GLYCTK: variants seen among roughly 807,000 people sequenced by gnomAD.
GLYCTK encodes the protein HBeAg binding protein 4.
A neutral mutation model predicts 24.8 loss-of-function variants in GLYCTK; 22 were observed. The ratio of observed to expected loss-of-function variants is 0.89; its 90% CI spans 0.63 to 1.27. The LOEUF is 1.27. GLYCTK is among the 50% of genes most tolerant of loss of function. The pLI is 0.00. For missense variants in GLYCTK, 684 were observed against 686.7 expected (o/e 1.00, Z 0.04); for synonymous variants, 320 against 297.2 (o/e 1.08, Z -0.79).
chr3:52,290,113 C>T, intron 1 of GLYCTK, 191 bp from the exon 2 acceptor site: 1 of 582,366 alleles, frequency 1.7e-6, no homozygotes. Context: ...GGCTGGGTGG[C>T]AGGGCTGGTC....
At position 52,292,752 on chromosome 3, in the gene GLYCTK, G is replaced by A. The variant is rs1162085369; in HGVS notation, c.1198G>A (p.Gly400Ser). ...EALETMAWGR[G>S]PVCLLAGGEP... ...TCTGGAGACCATGGCATGGGGAAGG[G>A]GCCCAGTCTGCCTGCTGGCTGGTGG... The change falls in exon 5 of 5, where the codon GGC becomes AGC. Residue 400 changes from glycine to serine, a missense_variant. Gly to Ser is a moderately conservative substitution (Grantham distance 56, BLOSUM62 0). Transcript: ENST00000436784. The A allele has an allele frequency of 6.2e-7, 1 of 1,608,098 alleles. No homozygotes were observed. The highest frequency in any genetic ancestry group is 1.7e-5 in the Admixed American group (1 of 59,824).
intron 1 of GLYCTK, among the ~76,000 whole-genome samples, chr3:52,289,750 C>T (rs774747873): frequency 2.8e-4 from 42 of 152,218 alleles, no homozygotes; most frequent in Admixed American, 8.5e-4. Flanking sequence ...CCTATAGACC[C>T]TGACTTCCCA....
intron 2 of GLYCTK, 37 bp from the exon 3 acceptor site, chr3:52,290,923 C>T: frequency 6.2e-7 from 1 of 1,613,200 alleles, no homozygotes; most frequent in Non-Finnish European, 8.5e-7. Flanking sequence ...GAGAGGAGTC[C>T]ACCCCATCTC....
At position 52,292,256 on chromosome 3, in the gene GLYCTK, C is replaced by T. The variant is rs1399710338; in HGVS notation, c.706-4C>T. 9.3e-6 allele frequency: 15 copies of T among 1,613,686 alleles called. No homozygotes were observed. The highest frequency in any genetic ancestry group is 5.3e-5 in the African/African-American group (4 of 74,902). On this transcript the variant is annotated splice_polypyrimidine_tract_variant and splice_region_variant and intron_variant, in intron 4 of 4. Coordinates refer to ENST00000436784, the MANE Select transcript of GLYCTK (RefSeq NM_145262.4). Reference sequence around the variant, plus strand: ...CTGAGCCTTGTCTGGTGGCCCTTCCCCAGGTGGTGAGCCTCATCCTGTCAG... The same window carrying T: ...CTGAGCCTTGTCTGGTGGCCCTTCCTCAGGTGGTGAGCCTCATCCTGTCAG...
In GLYCTK at chr3:52,293,115, C is replaced by CG. The variant is rs1559467444; in HGVS notation, c.1563dup (p.Pro522AlafsTer6). 1 of 1,613,758 alleles carries CG rather than the reference C, an allele frequency of 6.2e-7. No individual in the cohort carries two copies. The highest frequency in any genetic ancestry group is 1.7e-5 in the Admixed American group (1 of 60,028). On this transcript the variant is annotated frameshift_variant, in exon 5 of 5. Coordinates refer to ENST00000436784, the MANE Select transcript of GLYCTK (RefSeq NM_145262.4). LOFTEE classifies it high-confidence loss of function. ...CATGGACACCCACCTCTTGTTCCTG[C>CG]GGCCTCGGTGATGGCATAGGTCACA...
Position 52,294,256 on chromosome 3 carries a change from A to T in GLYCTK, c.*1130A>T, listed in dbSNP as rs1700577696. On this transcript the variant is annotated 3_prime_UTR_variant, in exon 5 of 5. Coordinates refer to ENST00000436784, the MANE Select transcript of GLYCTK (RefSeq NM_145262.4). ...GCGCCACGGCTCCAATCCCTATATG[A>T]GTGAGCAGTAGAATCACATAGGAAT... The T allele has an allele frequency of 1.9e-6, 1 of 534,724 alleles. No homozygotes were observed. 33.1% of individuals were successfully genotyped at this position (534,724 alleles called of 1,614,324 possible). A position where few individuals can be genotyped will look rare whatever the true frequency, so the allele number is the denominator to read the frequency against.
rs1700562872 is a variant in GLYCTK at position 52,293,791 on chromosome 3, A to G, written c.*665A>G. ...ATGACTCCACCATGGCACTGTCACC[A>G]TGGCTTCTCCAGCCTCAGCTTGTAG... On this transcript the variant is annotated 3_prime_UTR_variant, in exon 5 of 5. Coordinates refer to ENST00000436784, the MANE Select transcript of GLYCTK (RefSeq NM_145262.4). 6.6e-6 allele frequency: 3 copies of G among 453,756 alleles called. No individual in the cohort carries two copies. The highest frequency in any genetic ancestry group is 2.0e-5 in the African/African-American group (1 of 50,000). 28.1% of individuals were successfully genotyped at this position (453,756 alleles called of 1,614,324 possible). A position where few individuals can be genotyped will look rare whatever the true frequency, so the allele number is the denominator to read the frequency against.
In GLYCTK at chr3:52,294,247, C is replaced by A. The variant is rs1227044397; in HGVS notation, c.*1121C>A. 1 of 534,762 alleles carries A rather than the reference C, an allele frequency of 1.9e-6. No homozygotes were observed. The highest frequency in any genetic ancestry group is 3.8e-6 in the Non-Finnish European group (1 of 260,072). 33.1% of individuals were successfully genotyped at this position (534,762 alleles called of 1,614,324 possible). A position where few individuals can be genotyped will look rare whatever the true frequency, so the allele number is the denominator to read the frequency against. On this transcript the variant is annotated 3_prime_UTR_variant, in exon 5 of 5. Coordinates refer to ENST00000436784, the MANE Select transcript of GLYCTK (RefSeq NM_145262.4). ...CCCCGCCGTGCGCCACGGCTCCAATCCCTATATGAGTGAGCAGTAGAATCA... is the reference window on the plus strand; with the variant it reads ...CCCCGCCGTGCGCCACGGCTCCAATACCTATATGAGTGAGCAGTAGAATCA...
intron 4 of GLYCTK, 151 bp downstream of exon 4, chr3:52,292,073 C>T: frequency 8.9e-7 from 1 of 1,121,610 alleles, no homozygotes; most frequent in Non-Finnish European, 1.3e-6. Context: ...GGAGGGGTGC[C>T]AGAGACGGGG....
rs1395947766 is a variant in GLYCTK at position 52,291,811 on chromosome 3, C to T, written c.594C>T (p.Leu198=). 1.2e-6 allele frequency: 2 copies of T among 1,613,840 alleles called. No homozygotes were observed. The change falls in exon 4 of 5, where the codon CTC becomes CTT. Residue 198 remains leucine (L), a synonymous_variant. Coordinates refer to ENST00000436784, the MANE Select transcript of GLYCTK (RefSeq NM_145262.4). ...TCACACTGGAGGAGAAGCAGACACT[C>T]ACTAGACTGCTGGCAGCCCGTGGAG... The part of the protein sequence containing the change: ...PPVTLEEKQT[L]TRLLAARGAT...
intron 3 of GLYCTK, 180 bp from the exon 4 acceptor site, chr3:52,291,567 G>A (rs1228869754): frequency 6.4e-6 from 4 of 624,510 alleles, no homozygotes; most frequent in Non-Finnish European, 1.1e-5. Context: ...GGTACCCCAA[G>A]GCAGGGGCAA....
In GLYCTK at chr3:52,292,454, C is replaced by A. The variant is rs1227150827; in HGVS notation, c.900C>A (p.Thr300=). 1 of 1,612,962 alleles carries A rather than the reference C, an allele frequency of 6.2e-7. No individual in the cohort carries two copies. The highest frequency in any genetic ancestry group is 8.5e-7 in the Non-Finnish European group (1 of 1,179,632). ...ACTCTGACCCCCATGGGCCACACAC[C>A]TGTGGCCATGTCCTGAATGTGATCA... ...RADSDPHGPH[T]CGHVLNVIIG... Residue 300 remains threonine (T), a synonymous_variant, in exon 5 of 5, where the codon ACC becomes ACA. Transcript: ENST00000436784.
At position 52,294,791 on chromosome 3, in the gene GLYCTK, GA is replaced by G; in HGVS notation, c.*1666del. 1 of 453,848 alleles carries G rather than the reference GA, an allele frequency of 2.2e-6. No individual in the cohort carries two copies. The highest frequency in any genetic ancestry group is 1.6e-5 in the South Asian group (1 of 64,466). 28.1% of individuals were successfully genotyped at this position (453,848 alleles called of 1,614,324 possible). A position where few individuals can be genotyped will look rare whatever the true frequency, so the allele number is the denominator to read the frequency against. ...CAAGTTCCAGGCAAAAGCAGGATAG[GA>G]GAGCTGGGGCAGGGGCTGCAGGAGC... On this transcript the variant is annotated 3_prime_UTR_variant, in exon 5 of 5. Transcript: ENST00000436784.
chr3:52,294,833 C>G lies in GLYCTK; in HGVS notation c.*1707C>G, dbSNP rs1700590059. ...CTGCAGGAGCTGAGGGCCTGGCAGC[C>G]ATGTCCCCAGTGTGTGTGTGGGTGG... On this transcript the variant is annotated 3_prime_UTR_variant, in exon 5 of 5. Coordinates refer to ENST00000436784, the MANE Select transcript of GLYCTK (RefSeq NM_145262.4). 3 of 453,910 alleles carry G rather than the reference C, an allele frequency of 6.6e-6. No individual in the cohort carries two copies. Among genetic ancestry groups the G allele is most frequent in the African/African-American group, 2.0e-5 (1 of 49,966 alleles). 28.1% of individuals were successfully genotyped at this position (453,910 alleles called of 1,614,324 possible).
At position 52,292,715 on chromosome 3, in the gene GLYCTK, G is replaced by C. The variant is rs780637867; in HGVS notation, c.1161G>C (p.Gln387His). Residue 387 changes from glutamine to histidine, a missense_variant, in exon 5 of 5, where the codon CAG (glutamine) becomes CAC (histidine). Gln to His is a conservative substitution (Grantham distance 24). Transcript: ENST00000436784. ...LAAELQIPDLQLEEALETMAW... is the reference protein window; with the variant it reads ...LAAELQIPDLHLEEALETMAW... ...CTGAGCTTCAGATCCCAGACCTGCA[G>C]CTGGAGGAGGCTCTGGAGACCATGG... 6.2e-7 allele frequency: 1 copy of C among 1,608,934 alleles called. No homozygotes were observed. Among genetic ancestry groups the C allele is most frequent in the Non-Finnish European group, 8.5e-7 (1 of 1,176,962 alleles).
In GLYCTK at chr3:52,290,736, G is replaced by T. The variant is rs772915930; in HGVS notation, c.377+17G>T. ...CGGCAAGCAGTAAGGAGCCATGGGG[G>T]CCTGCCTCCCTCTATCTATCTGGAG... On this transcript the variant is annotated intron_variant, in intron 2 of 4. Transcript: ENST00000436784. 8 of 1,607,284 alleles carry T rather than the reference G, an allele frequency of 5.0e-6. No homozygotes were observed. Among genetic ancestry groups the T allele is most frequent in the Non-Finnish European group, 6.0e-6 (7 of 1,175,746 alleles).
In GLYCTK at chr3:52,292,344, G is replaced by A. The variant is rs1366101784; in HGVS notation, c.790G>A (p.Val264Met). Residue 264 changes from valine to methionine, a missense_variant, in exon 5 of 5, where the codon GTG (valine) becomes ATG (methionine). Transcript: ENST00000436784. ...CCCCACCGTGGCCAGTTCCCACAAT[G>A]TGCAAGATTGCCTGCATATCCTCAA... ...SGPTVASSHN[V>M]QDCLHILNRY... 6.2e-7 allele frequency: 1 copy of A among 1,614,038 alleles called. No homozygotes were observed. Among genetic ancestry groups the A allele is most frequent in the East Asian group, 2.2e-5 (1 of 44,882 alleles).
chr3:52,291,478 C>T (rs1007175346), intron 3 of GLYCTK: 60 of 583,118 alleles, frequency 1.0e-4, no homozygotes, highest in Middle Eastern at 4.6e-4. Flanking sequence ...CTTGATCTTC[C>T]ATTGTGTGCC....
intron 1 of GLYCTK, 172 bp from the exon 2 acceptor site, chr3:52,290,132 C>T (rs1008850097): frequency 1.3e-5 from 8 of 606,532 alleles, no homozygotes; most frequent in African/African-American, 9.3e-5. Context: ...TCTCCAAGGA[C>T]GAGTAAGATC....
Sources: gnomAD v4.1 joint callset for allele counts (sites outside exome capture counted in the v4.1 genomes callset) on GRCh38, gnomAD v4.1.1 for gene constraint, MANE v1.5 for transcripts, NCBI Gene and HGNC (gene_info 2026-07-23, HGNC 2026-07-21) for gene names.